Variants in TBK1 observed in about 807,000 individuals in gnomAD.
The protein encoded by TBK1 is serine/threonine-protein kinase TBK1.
Under a neutral mutation model 99.9 loss-of-function variants are expected in TBK1, and 37 were observed. The observed-to-expected ratio is 0.37, with a 90% confidence interval of 0.28 to 0.49. The LOEUF (loss-of-function observed/expected upper bound fraction) is 0.49. Among genes scored for constraint, TBK1 ranks in the 20% least tolerant of loss-of-function variants. The pLI is 0.98. For missense variants in TBK1, 644 were observed against 872.5 expected (o/e 0.74, Z 3.30); for synonymous variants, 258 against 279.8 (o/e 0.92, Z 0.78).
chr12:64,452,663 AAG>A (rs2040440583), intron 1 of TBK1: 3 of 152,222 alleles, frequency 2.0e-5, no homozygotes. Context: ...GAGGATTAAA[AAG>A]AGACGTTTCC....
At position 64,502,036 on chromosome 12, in the gene TBK1, A is replaced by T. The variant is rs779330208; in HGVS notation, c.*655A>T. On this transcript the variant is annotated 3_prime_UTR_variant, in exon 21 of 21. Transcript: ENST00000331710. Reference sequence around the variant, plus strand: ...GTCATTAAAATTCTAAGGTCATTTCAACTGTTTTAAGCTGTATATTTCTTT... The same window carrying T: ...GTCATTAAAATTCTAAGGTCATTTCTACTGTTTTAAGCTGTATATTTCTTT... 4 of 127,154 alleles carry T rather than the reference A, an allele frequency of 3.1e-5. No homozygotes were observed. The highest frequency in any genetic ancestry group is 2.4e-4 in the Admixed American group (3 of 12,444). 7.9% of individuals were successfully genotyped at this position (127,154 alleles called of 1,614,324 possible). A position where few individuals can be genotyped will look rare whatever the true frequency, so the allele number is the denominator to read the frequency against.
chr12:64,497,257 G>C lies in TBK1; in HGVS notation c.1957G>C (p.Glu653Gln), dbSNP rs144370662. 1.9e-4 allele frequency: 292 copies of C among 1,571,566 alleles called. 1 individual carries two copies. The highest frequency in any genetic ancestry group is 4.2e-4 in the Admixed American group (23 of 54,728). ...ATCAAAATATCAAGAATATACTAAT[G>C]AGGTAGGTACAGCTGTCAAGGAAAA... ...EVSKYQEYTNELQETLPQKMF... is the reference protein window; with the variant it reads ...EVSKYQEYTNQLQETLPQKMF... The change falls in exon 18 of 21, where the codon GAG becomes CAG. Residue 653 changes from glutamate to glutamine, a missense_variant and splice_region_variant. Around this residue, in one of 3 missense-constraint regions of TBK1, gnomAD observed 465 missense variants for 588.0 expected, o/e 0.79. Transcript: ENST00000331710.
chr12:64,480,944 C>T (rs1249290453), intron 7 of TBK1, among the ~76,000 whole-genome samples: 3 of 151,972 alleles, frequency 2.0e-5, no homozygotes, highest in Non-Finnish European at 4.4e-5. Context: ...TATCACTTAT[C>T]ATTTTATATG....
intron 9 of TBK1, 85 bp downstream of exon 9, chr12:64,484,584 CA>C (rs35350216): frequency 5.9e-6 from 8 of 1,348,510 alleles, no homozygotes; most frequent in East Asian, 2.5e-5. Flanking sequence ...CTTGTCTCTA[CA>C]AAAAAATAAA....
At chr12:64,472,546 G>A (rs1319323286) in intron 5 of TBK1, among the ~76,000 whole-genome samples, 1 of 152,200 alleles carries the variant, frequency 6.6e-6, no homozygotes, top group Admixed American at 6.5e-5. Context: ...GCCATGCTGT[G>A]TGTGACCACT....
At chr12:64,464,642 C>T (rs182385633) in intron 4 of TBK1, among the ~76,000 whole-genome samples, 179 bp downstream of exon 4, 124 of 152,110 alleles carry the variant, frequency 8.2e-4, no homozygotes, top group African/African-American at 2.9e-3. Context: ...CATTTTTGGG[C>T]CTCAGAGGAC....
rs1158267126 is a variant in TBK1 at position 64,501,566 on chromosome 12, A to G, written c.*185A>G. Reference sequence around the variant, plus strand: ...AATTTTTGGCTGCTGTGAAGATGTAATTTTATCTTTTAACATTTATAATTA... The same window carrying G: ...AATTTTTGGCTGCTGTGAAGATGTAGTTTTATCTTTTAACATTTATAATTA... On this transcript the variant is annotated 3_prime_UTR_variant, in exon 21 of 21. Coordinates refer to ENST00000331710, the MANE Select transcript of TBK1 (RefSeq NM_013254.4). The G allele has an allele frequency of 1.8e-6, 1 of 558,672 alleles. No homozygotes were observed. The highest frequency in any genetic ancestry group is 3.0e-6 in the Non-Finnish European group (1 of 330,382). The allele number at this position is 558,672 out of a possible 1,614,324, so 34.6% of individuals were successfully genotyped here.
chr12:64,498,175 T>C (rs2040949524), intron 20 of TBK1, 136 bp downstream of exon 20: 2 of 692,870 alleles, frequency 2.9e-6, no homozygotes, highest in East Asian at 6.0e-5. Flanking sequence ...TTTCTCTCTA[T>C]GATTGTGTAT....
intron 3 of TBK1, among the ~76,000 whole-genome samples, chr12:64,460,759 A>G (rs1057085941): frequency 5.3e-5 from 8 of 150,408 alleles, no homozygotes; most frequent in Non-Finnish European, 7.4e-5. Flanking sequence ...GCTTGAACCC[A>G]GGAGGCAGAG....
At chr12:64,476,868 A>G (rs929725028) in intron 6 of TBK1, among the ~76,000 whole-genome samples, 2 of 152,138 alleles carry the variant, frequency 1.3e-5, no homozygotes, top group Non-Finnish European at 2.9e-5. Context: ...GTAGGGGTCT[A>G]GTTTTATTCT....
chr12:64,459,258 T>C (rs2136055878), intron 2 of TBK1, among the ~76,000 whole-genome samples: 1 of 152,242 alleles, frequency 6.6e-6, no homozygotes, highest in African/African-American at 2.4e-5. Context: ...AAGGCTAAAC[T>C]CAAGATCTGG....
At chr12:64,493,721 G>C (rs1022086655) in intron 13 of TBK1, among the ~76,000 whole-genome samples, 2 of 152,104 alleles carry the variant, frequency 1.3e-5, no homozygotes, top group Admixed American at 6.6e-5. Flanking sequence ...ACCCCACCTC[G>C]GATGTGTTGA....
intron 5 of TBK1, among the ~76,000 whole-genome samples, chr12:64,467,306 C>A (rs538445985): frequency 6.6e-6 from 1 of 152,170 alleles, no homozygotes; most frequent in East Asian, 1.9e-4. Context: ...CCCTTAAATT[C>A]TTTAGTTTTA....
intron 3 of TBK1, among the ~76,000 whole-genome samples, chr12:64,462,417 T>G (rs1032209430): frequency 5.9e-5 from 9 of 152,248 alleles, no homozygotes; most frequent in African/African-American, 2.2e-4. Flanking sequence ...GATCTTAACA[T>G]ATACAGTGTA....
intron 5 of TBK1, among the ~76,000 whole-genome samples, chr12:64,470,203 G>T (rs11837890): frequency 0.15 from 22,188 of 152,070 alleles, 1,931 homozygotes; most frequent in African/African-American, 0.23. Flanking sequence ...ATACCCCCTT[G>T]TTATAATAAA....
At chr12:64,497,391 C>T in intron 18 of TBK1, 132 bp downstream of exon 18, 1 of 673,902 alleles carries the variant, frequency 1.5e-6, no homozygotes, top group Non-Finnish European at 2.3e-6. Flanking sequence ...TATTTTGAGC[C>T]AAGTTTTAAG....
intron 5 of TBK1, among the ~76,000 whole-genome samples, chr12:64,472,132 A>G (rs1257686785): frequency 6.6e-6 from 1 of 151,554 alleles, no homozygotes; most frequent in East Asian, 1.9e-4. Context: ...GAGATCCCAT[A>G]TATCTAGTAG....
chr12:64,468,575 A>G (rs1228864596), intron 5 of TBK1, among the ~76,000 whole-genome samples: 3 of 152,132 alleles, frequency 2.0e-5, no homozygotes, highest in Non-Finnish European at 4.4e-5. Context: ...TATACCAGAT[A>G]CTGTTCTAGG....
At chr12:64,488,391 A>ATGTTAT in intron 11 of TBK1, 96 bp from the exon 12 acceptor site, 1 of 607,490 alleles carries the variant, frequency 1.6e-6, no homozygotes, top group Non-Finnish European at 2.8e-6. Context: ...ATATTGTTAT[A>ATGTTAT]AAATGTTTTT....
Sources: gnomAD v4.1 joint callset for allele counts (sites outside exome capture counted in the v4.1 genomes callset) on GRCh38, gnomAD v4.1.1 for gene constraint, gnomAD v4.1.1 regional missense constraint, MANE v1.5 for transcripts, NCBI Gene and HGNC (gene_info 2026-07-23, HGNC 2026-07-21) for gene names.